The following ERBB4 variants were observed in gnomAD, a reference collection of about 807,000 sequenced individuals.
The protein encoded by ERBB4 is receptor tyrosine-protein kinase erbB-4.
A neutral mutation model predicts 158.0 loss-of-function variants in ERBB4; 42 were observed. The observed-to-expected ratio is 0.27, with a 90% CI of 0.21 to 0.34. The LOEUF is 0.34. Ranked by LOEUF, ERBB4 falls within the 10% of genes least tolerant of loss-of-function variation. ERBB4 has a pLI of 1.00. For missense variants in ERBB4, 1,333 were observed against 1,624.1 expected, an observed-to-expected ratio of 0.82 and a Z score of 3.08; for synonymous variants, 583 against 558.7, an observed-to-expected ratio of 1.04 and a Z score of -0.61.
intron 20 of ERBB4, among the ~76,000 whole-genome samples, chr2:211,473,451 T>G (rs1182524966): frequency 6.6e-6 from 1 of 152,084 alleles, no homozygotes; most frequent in Non-Finnish European, 1.5e-5. Flanking sequence ...CACAGAAAAT[T>G]AGAACACAGG....
chr2:211,507,731 C>A (rs2065785742), intron 20 of ERBB4, among the ~76,000 whole-genome samples: 1 of 152,104 alleles, frequency 6.6e-6, no homozygotes, highest in African/African-American at 2.4e-5. Flanking sequence ...TGACTTCAAA[C>A]TATACTATAA....
chr2:212,226,413 G>T (rs12995418), intron 1 of ERBB4, among the ~76,000 whole-genome samples: 8 of 151,404 alleles, frequency 5.3e-5, no homozygotes, highest in Non-Finnish European at 1.2e-4. Flanking sequence ...AAAGACATGG[G>T]GGGGGGTTTG....
rs35419362 is a variant in ERBB4 at position 212,431,306 on chromosome 2, T to TAAAAAAAAAAAA, written c.82+107131_82+107142dup. 2.3e-5 allele frequency among the ~76,000 whole-genome samples: 2 copies of TAAAAAAAAAAAA among 86,886 alleles called. 1 individual carries two copies. The highest frequency in any genetic ancestry group is 4.5e-5 in the Non-Finnish European group (2 of 43,974). The allele number at this position is 86,886 out of a possible 152,430, so 57.0% of individuals were successfully genotyped here. A position where few individuals can be genotyped will look rare whatever the true frequency, so the allele number is the denominator to read the frequency against. Reference sequence around the variant, plus strand: ...ACTCCATCCTTCCAACTGCTCATATTAAAAAAAAAAAAAAAAAAAAAAAAC... The same window carrying TAAAAAAAAAAAA: ...ACTCCATCCTTCCAACTGCTCATATTAAAAAAAAAAAAAAAAAAAAAAAAAAAAAAAAAAAAC... On this transcript the variant is annotated intron_variant, in intron 1 of 27. Coordinates refer to ENST00000342788, the MANE Select transcript of ERBB4 (RefSeq NM_005235.3).
At chr2:211,844,589 A>G (rs2077548880) in intron 3 of ERBB4, among the ~76,000 whole-genome samples, 1 of 152,200 alleles carries the variant, frequency 6.6e-6, no homozygotes, top group Non-Finnish European at 1.5e-5. Flanking sequence ...GAGAAGCTTC[A>G]TAACTTTCTA....
In ERBB4 at chr2:211,748,275, GTATTATTAA is replaced by G. The variant is rs2075031541; in HGVS notation, c.622+2355_622+2363del. 2.0e-5 allele frequency among the ~76,000 whole-genome samples: 3 copies of G among 151,932 alleles called. No individual in the cohort carries two copies. In the South Asian group the frequency reaches 6.2e-4, roughly 31 times the overall value. ...TAAAGTAATTATTTTAATTGTAATA[GTATTATTAA>G]TTTTAATTAATAGTGTTATTGAATA... On this transcript the variant is annotated intron_variant, in intron 5 of 27. Transcript: ENST00000342788.
At chr2:212,414,040 G>T (rs533549902) in intron 1 of ERBB4, among the ~76,000 whole-genome samples, 86 of 152,212 alleles carry the variant, frequency 5.7e-4, no homozygotes, top group African/African-American at 1.9e-3. Flanking sequence ...ACAGTAAATT[G>T]CCCCATTAAG....
chr2:212,260,050 C>G (rs1159445393), intron 1 of ERBB4, among the ~76,000 whole-genome samples: 4 of 144,006 alleles, frequency 2.8e-5, no homozygotes, highest in Admixed American at 1.4e-4. Flanking sequence ...GCCTAAGTGA[C>G]AGAGCGAGAC....
intron 1 of ERBB4, among the ~76,000 whole-genome samples, chr2:212,240,412 C>G (rs991897114): frequency 6.6e-6 from 1 of 151,602 alleles, no homozygotes. Context: ...CTTGGGAAGC[C>G]GAGATGGGCG....
At chr2:211,823,662 T>C (rs1325001857) in intron 3 of ERBB4, among the ~76,000 whole-genome samples, 1 of 152,016 alleles carries the variant, frequency 6.6e-6, no homozygotes, top group Middle Eastern at 3.2e-3. Context: ...TTAATACAAA[T>C]TCATATTTCT....
At chr2:211,861,325 GTGT>G (rs1559586607) in intron 3 of ERBB4, among the ~76,000 whole-genome samples, 1 of 94,156 alleles carries the variant, frequency 1.1e-5, no homozygotes, top group African/African-American at 4.0e-5. Flanking sequence ...CAGTCCAGGC[GTGT>G]TTTTTTTTTT....
intron 2 of ERBB4, among the ~76,000 whole-genome samples, chr2:212,099,962 T>C (rs78411308): frequency 0.088 from 13,377 of 152,196 alleles, 654 homozygotes; most frequent in Middle Eastern, 0.12. Context: ...TATGCATGCA[T>C]GCAGGTATGA....
chr2:212,412,886 A>C (rs1189301562), intron 1 of ERBB4, among the ~76,000 whole-genome samples: 1 of 152,192 alleles, frequency 6.6e-6, no homozygotes, highest in African/African-American at 2.4e-5. Flanking sequence ...AAGTTTGCTA[A>C]TCTACATCAG....
At chr2:212,046,364 C>T (rs900514284) in intron 2 of ERBB4, among the ~76,000 whole-genome samples, 49 of 152,096 alleles carry the variant, frequency 3.2e-4, no homozygotes, top group African/African-American at 1.2e-3. Flanking sequence ...AGTAGCACAG[C>T]TAGAGAAGTT....
chr2:211,654,646 A>C (rs1318385586), intron 16 of ERBB4, among the ~76,000 whole-genome samples: 1 of 152,194 alleles, frequency 6.6e-6, no homozygotes, highest in Non-Finnish European at 1.5e-5. Flanking sequence ...TATGCTGGCT[A>C]TTGTGCATTA....
chr2:211,710,324 C>A (rs563555435), intron 9 of ERBB4, among the ~76,000 whole-genome samples: 2,145 of 152,186 alleles, frequency 0.014, 44 homozygotes, highest in African/African-American at 0.048. Flanking sequence ...CTTCTTATTT[C>A]TCAGAAGACA....
At position 212,401,074 on chromosome 2, in the gene ERBB4, C is replaced by T. The variant is rs575202135; in HGVS notation, c.82+137375G>A. ...AGTTAGGTATAAAAGAGTGTTCATA[C>T]GGTAAGCATTAGCCTTAAAAATTAA... On this transcript the variant is annotated intron_variant, in intron 1 of 27. Coordinates refer to ENST00000342788, the MANE Select transcript of ERBB4 (RefSeq NM_005235.3). Among the ~76,000 whole-genome samples, 14 of 152,158 alleles carry T rather than the reference C, an allele frequency of 9.2e-5. No homozygotes were observed. In the East Asian group the frequency reaches 1.4e-3, roughly 15 times the overall value.
chr2:212,535,180 T>C (rs1307209995), intron 1 of ERBB4, among the ~76,000 whole-genome samples: 1 of 152,142 alleles, frequency 6.6e-6, no homozygotes, highest in East Asian at 1.9e-4. Context: ...TACTAACAGA[T>C]ATTTATTTAG....
chr2:211,928,272 G>A (rs1005289444), intron 3 of ERBB4, among the ~76,000 whole-genome samples: 5 of 151,964 alleles, frequency 3.3e-5, no homozygotes, highest in East Asian at 3.9e-4. Flanking sequence ...AATTTCCCCC[G>A]AGAATAATCA....
chr2:211,514,185 C>G (rs1167392798), intron 20 of ERBB4, among the ~76,000 whole-genome samples: 1 of 152,098 alleles, frequency 6.6e-6, no homozygotes, highest in Non-Finnish European at 1.5e-5. Context: ...TCTCTACCTC[C>G]ATGAGATCAA....
Sources: gnomAD v4.1 joint callset for allele counts (sites outside exome capture counted in the v4.1 genomes callset) on GRCh38, gnomAD v4.1.1 for gene constraint, MANE v1.5 for transcripts, NCBI Gene and HGNC (gene_info 2026-07-23, HGNC 2026-07-21) for gene names.